TRERF1: variants seen among roughly 807,000 people sequenced by gnomAD.
TRERF1 encodes transcriptional regulating factor 1, also known as transcriptional-regulating factor 1.
A neutral mutation model predicts 122.9 loss-of-function variants in TRERF1; 27 were observed. That is an observed-to-expected ratio of 0.22 (90% CI 0.16 to 0.30). The LOEUF (loss-of-function observed/expected upper bound fraction) is 0.30, where lower values mean the gene tolerates loss of function less well. Among genes scored for constraint, TRERF1 ranks in the 10% least tolerant of loss-of-function variants. The pLI is 1.00. For missense variants in TRERF1, 1,248 were observed against 1,560.3 expected (o/e 0.80, Z 3.37); for synonymous variants, 636 against 641.7 (o/e 0.99, Z 0.13).
chr6:42,385,587 G>A (rs1422259766), intron 2 of TRERF1, among the ~76,000 whole-genome samples: 1 of 152,110 alleles, frequency 6.6e-6, no homozygotes, highest in Non-Finnish European at 1.5e-5. Context: ...CCTGGACCCC[G>A]AAACCTATCG....
At chr6:42,366,811 C>T (rs1325043326) in intron 2 of TRERF1, among the ~76,000 whole-genome samples, 1 of 152,190 alleles carries the variant, frequency 6.6e-6, no homozygotes, top group African/African-American at 2.4e-5. Flanking sequence ...CCCAGAGCCA[C>T]AAGAGGGAGA....
chr6:42,283,072 T>C (rs149518399), intron 4 of TRERF1, among the ~76,000 whole-genome samples: 5 of 152,304 alleles, frequency 3.3e-5, no homozygotes, highest in Middle Eastern at 3.4e-3. Context: ...CTGAGAACAG[T>C]AGGCAACACT....
intron 3 of TRERF1, among the ~76,000 whole-genome samples, chr6:42,345,376 G>A (rs778956470): frequency 6.6e-6 from 1 of 152,166 alleles, no homozygotes; most frequent in African/African-American, 2.4e-5. Flanking sequence ...GAGGACCCGA[G>A]CAAGAGGTGA....
At chr6:42,451,236 G>A (rs941309893) in exon 2 of TRERF1, 2 of 153,986 alleles carry the variant, frequency 1.3e-5, no homozygotes, top group South Asian at 4.1e-4. Context: ...TATCCGCTTG[G>A]GGGGTGAGAT....
chr6:42,258,107 T>C (rs768207449), intron 10 of TRERF1, 28 bp downstream of exon 10: 1 of 1,601,542 alleles, frequency 6.2e-7, no homozygotes. Flanking sequence ...GAGGCTTCTG[T>C]TCTAAAGAGT....
chr6:42,328,881 G>T (rs1157468159), intron 3 of TRERF1, among the ~76,000 whole-genome samples: 2 of 152,120 alleles, frequency 1.3e-5, no homozygotes, highest in Admixed American at 1.3e-4. Flanking sequence ...TCACCTGAGA[G>T]AAATTTACCA....
chr6:42,323,802 AGT>A (rs1763853116), intron 3 of TRERF1, among the ~76,000 whole-genome samples: 1 of 152,236 alleles, frequency 6.6e-6, no homozygotes, highest in Non-Finnish European at 1.5e-5. Flanking sequence ...GGAGGCAGCC[AGT>A]GAGACATGTT....
intron 2 of TRERF1, among the ~76,000 whole-genome samples, chr6:42,445,964 G>C (rs1031137117): frequency 1.3e-5 from 2 of 152,120 alleles, no homozygotes; most frequent in African/African-American, 2.4e-5. Flanking sequence ...ACCCAGGCTG[G>C]AGTGCAGTGG....
intron 4 of TRERF1, among the ~76,000 whole-genome samples, chr6:42,288,428 C>T (rs1020981937): frequency 7.2e-5 from 11 of 151,978 alleles, no homozygotes; most frequent in Admixed American, 6.5e-5. Flanking sequence ...ATTAGCCGGG[C>T]GTGCTGGCAC....
chr6:42,446,418 C>G (rs1225260902), intron 2 of TRERF1, among the ~76,000 whole-genome samples: 1 of 152,220 alleles, frequency 6.6e-6, no homozygotes, highest in Non-Finnish European at 1.5e-5. Context: ...ACCCCCAAAC[C>G]TCAGAGAGGC....
intron 2 of TRERF1, among the ~76,000 whole-genome samples, chr6:42,366,955 A>G (rs140143819): frequency 4.1e-4 from 63 of 152,252 alleles, no homozygotes; most frequent in African/African-American, 1.5e-3. Flanking sequence ...AAGATGCCCC[A>G]TAAGAAATCA....
chr6:42,404,398 C>G (rs1779877546), intron 2 of TRERF1, among the ~76,000 whole-genome samples: 1 of 152,108 alleles, frequency 6.6e-6, no homozygotes, highest in Admixed American at 6.5e-5. Context: ...TTTTTCACTC[C>G]ATAGCACAAT....
chr6:42,442,890 C>CAGGT (rs1180230414), intron 2 of TRERF1, among the ~76,000 whole-genome samples: 6 of 152,188 alleles, frequency 3.9e-5, no homozygotes, highest in Admixed American at 2.0e-4. Context: ...GCTGGCTGAA[C>CAGGT]AGGTGACTCT....
At chr6:42,405,606 C>T (rs938003357) in intron 2 of TRERF1, among the ~76,000 whole-genome samples, 7 of 151,832 alleles carry the variant, frequency 4.6e-5, no homozygotes, top group Admixed American at 3.3e-4. Context: ...ACTAGCCTGG[C>T]CAACATGATG....
chr6:42,293,474 T>C (rs1426912301), intron 4 of TRERF1, among the ~76,000 whole-genome samples: 1 of 152,110 alleles, frequency 6.6e-6, no homozygotes, highest in Non-Finnish European at 1.5e-5. Flanking sequence ...TGTCCAAAAA[T>C]ACAAACAAGA....
chr6:42,299,289 G>C (rs1785725494), intron 4 of TRERF1, among the ~76,000 whole-genome samples: 1 of 151,826 alleles, frequency 6.6e-6, no homozygotes, highest in East Asian at 1.9e-4. Context: ...AACAGACATA[G>C]AGTATGCAAG....
chr6:42,449,466 G>GAA (rs531374974), intron 2 of TRERF1, among the ~76,000 whole-genome samples: 58 of 115,568 alleles, frequency 5.0e-4, no homozygotes, highest in South Asian at 2.1e-3. Flanking sequence ...GGTAGAAGAG[G>GAA]AAAAAAAAAA....
intron 13 of TRERF1, among the ~76,000 whole-genome samples, chr6:42,248,139 C>T (rs934390347): frequency 6.6e-5 from 10 of 152,096 alleles, no homozygotes; most frequent in African/African-American, 2.4e-4. Flanking sequence ...CCTTAGACCA[C>T]AGGTGGGGAG....
At chr6:42,418,319 G>C (rs1489669022) in intron 2 of TRERF1, among the ~76,000 whole-genome samples, 1 of 127,282 alleles carries the variant, frequency 7.9e-6, no homozygotes, top group Non-Finnish European at 1.6e-5. Flanking sequence ...GCCCCAGCTA[G>C]AGTTCAATGG....
Sources: gnomAD v4.1 joint callset for allele counts (sites outside exome capture counted in the v4.1 genomes callset) on GRCh38, gnomAD v4.1.1 for gene constraint, MANE v1.5 for transcripts, NCBI Gene and HGNC (gene_info 2026-07-23, HGNC 2026-07-21) for gene names.